FAAH2: variants seen among roughly 807,000 people sequenced by gnomAD.
FAAH2 encodes the protein fatty-acid amide hydrolase 2.
A neutral mutation model predicts 36.9 loss-of-function variants in FAAH2; 60 were observed. That is an observed-to-expected ratio of 1.63 (90% CI 1.32 to 2.02). The LOEUF (loss-of-function observed/expected upper bound fraction) is 2.02, where lower values mean the gene tolerates loss of function less well. Among genes scored for constraint, FAAH2 ranks in the 30% most tolerant of loss-of-function variants. The pLI, the probability that FAAH2 is intolerant of heterozygous loss-of-function variation, is 0.00. For missense variants in FAAH2, 689 were observed against 397.5 expected (o/e 1.73, Z -6.23); for synonymous variants, 214 against 143.8 (o/e 1.49, Z -3.49).
chrX:57,335,281 A>G (rs2053515651), intron 4 of FAAH2, among the ~76,000 whole-genome samples: 1 of 111,072 alleles, frequency 9.0e-6, no homozygotes, highest in Non-Finnish European at 1.9e-5. Context: ...AATAAGAAAA[A>G]TGGGCCCAGG....
At chrX:57,379,526 C>T (rs781412775) in intron 6 of FAAH2, among the ~76,000 whole-genome samples, 1 of 87,682 alleles carries the variant, frequency 1.1e-5, no homozygotes, top group African/African-American at 5.4e-5. Flanking sequence ...CTCTCTGTCT[C>T]TCTCGCTCTC....
chrX:57,215,012 G>A, the FAAH2 span, among the ~76,000 whole-genome samples: 4 of 109,706 alleles, frequency 3.6e-5, no homozygotes, highest in Non-Finnish European at 7.6e-5. Context: ...TAACATCTGA[G>A]GGAAGAGGCA....
intron 7 of FAAH2, chrX:57,394,710 T>C: frequency 1.1e-6 from 1 of 878,324 alleles, no homozygotes; most frequent in South Asian, 2.0e-5. Context: ...CATAATTGAT[T>C]CCACAGTTGA....
At chrX:57,151,093 C>G in the FAAH2 span, among the ~76,000 whole-genome samples, 1 of 112,535 alleles carries the variant, frequency 8.9e-6, no homozygotes. Flanking sequence ...TTGGCCCCCA[C>G]TCTCTTCTGG....
At chrX:57,468,198 C>T (rs181384545) in intron 10 of FAAH2, among the ~76,000 whole-genome samples, 120 of 111,862 alleles carry the variant, frequency 1.1e-3, no homozygotes, top group African/African-American at 3.8e-3. Flanking sequence ...ACCTCTCCCC[C>T]TCCAAAGGAA....
intron 7 of FAAH2, among the ~76,000 whole-genome samples, chrX:57,390,445 ACATTTTATCCCACAGGT>A (rs2055138549): frequency 1.8e-5 from 2 of 111,232 alleles, no homozygotes; most frequent in Non-Finnish European, 1.9e-5. Context: ...CAAACAGTGA[ACATTTTATCCCACAGGT>A]AATTTTTCAG....
chrX:57,174,539 ATCT>A, the FAAH2 span, among the ~76,000 whole-genome samples: 1 of 111,772 alleles, frequency 8.9e-6, no homozygotes, highest in East Asian at 2.8e-4. Flanking sequence ...TCAAAGAACA[ATCT>A]TCTTATTTTA....
At chrX:57,367,844 G>T (rs1293124908) in intron 5 of FAAH2, among the ~76,000 whole-genome samples, 3 of 111,898 alleles carry the variant, frequency 2.7e-5, no homozygotes, top group African/African-American at 9.8e-5. Flanking sequence ...GCCAAGTTTG[G>T]AAAGCTGCCA....
At chrX:57,294,437 C>G (rs1220410286) in intron 2 of FAAH2, among the ~76,000 whole-genome samples, 4 of 111,914 alleles carry the variant, frequency 3.6e-5, no homozygotes, top group Non-Finnish European at 3.8e-5. Context: ...CTTCCCAAAC[C>G]TGTTCTTCCA....
At chrX:57,196,218 C>T in the FAAH2 span, among the ~76,000 whole-genome samples, 3 of 111,702 alleles carry the variant, frequency 2.7e-5, no homozygotes, top group Non-Finnish European at 3.8e-5. Context: ...AATATTGATT[C>T]TACCCATCCA....
intron 2 of FAAH2, among the ~76,000 whole-genome samples, chrX:57,309,041 A>G (rs1460335018): frequency 8.9e-6 from 1 of 112,198 alleles, no homozygotes; most frequent in Non-Finnish European, 1.9e-5. Context: ...GAGCCCAAAG[A>G]TATTTTATTA....
intron 10 of FAAH2, among the ~76,000 whole-genome samples, chrX:57,453,575 T>C (rs2056820109): frequency 9.1e-6 from 1 of 110,322 alleles, no homozygotes; most frequent in Non-Finnish European, 1.9e-5. Context: ...TGAACTCTGA[T>C]GGCAGGAACA....
At chrX:57,234,045 A>C in the FAAH2 span, among the ~76,000 whole-genome samples, 10 of 113,056 alleles carry the variant, frequency 8.8e-5, no homozygotes, top group Non-Finnish European at 1.5e-4. Flanking sequence ...TTGGATAATG[A>C]ATAATGTTTA....
At chrX:57,224,493 C>T in the FAAH2 span, among the ~76,000 whole-genome samples, 1 of 111,348 alleles carries the variant, frequency 9.0e-6, no homozygotes, top group Non-Finnish European at 1.9e-5. Context: ...AATAACTCCT[C>T]CCTTCTCAGG....
chrX:57,386,681 C>T (rs2055032267), intron 7 of FAAH2, among the ~76,000 whole-genome samples: 1 of 111,860 alleles, frequency 8.9e-6, no homozygotes, highest in Admixed American at 9.5e-5. Context: ...CCAAACCCTT[C>T]CCTTTACGGT....
At chrX:57,221,691 C>T in the FAAH2 span, among the ~76,000 whole-genome samples, 44 of 111,267 alleles carry the variant, frequency 4.0e-4, no homozygotes, top group Admixed American at 2.4e-3. Context: ...CAATTCCCTC[C>T]GATACCACTC....
intron 10 of FAAH2, among the ~76,000 whole-genome samples, chrX:57,481,493 G>T (rs1399827360): frequency 9.0e-6 from 1 of 111,716 alleles, no homozygotes; most frequent in Non-Finnish European, 1.9e-5. Flanking sequence ...CTAACAGTCA[G>T]GCCTCTCTTC....
the FAAH2 span, among the ~76,000 whole-genome samples, chrX:57,220,879 C>T: frequency 1.8e-5 from 2 of 112,140 alleles, no homozygotes; most frequent in South Asian, 7.5e-4. Flanking sequence ...AAACCTCCTA[C>T]TTATATCTCA....
At position 57,446,911 on chromosome X, in the gene FAAH2, C is replaced by G. The variant is rs759442993; in HGVS notation, c.1117-17C>G. 7.8e-6 allele frequency: 9 copies of G among 1,159,842 alleles called. No homozygotes were observed. In the Admixed American group the frequency reaches 2.0e-4, roughly 26 times the overall value. On this transcript the variant is annotated splice_polypyrimidine_tract_variant and intron_variant, in intron 8 of 10. Coordinates refer to ENST00000374900, the MANE Select transcript of FAAH2 (RefSeq NM_174912.4). ...GAGAAAATACTCTTGTATTTTATTT[C>G]TTTCCTTCAATCTCAGGAACCTGTG...
Sources: gnomAD v4.1 joint callset for allele counts (sites outside exome capture counted in the v4.1 genomes callset) on GRCh38, gnomAD v4.1.1 for gene constraint, MANE v1.5 for transcripts, NCBI Gene and HGNC (gene_info 2026-07-23, HGNC 2026-07-21) for gene names.